MAGI1: variants seen among roughly 807,000 people sequenced by gnomAD.
The protein encoded by MAGI1 is membrane associated guanylate kinase, WW and PDZ domain containing 1.
A neutral mutation model predicts 139.9 loss-of-function variants in MAGI1; 58 were observed. The ratio of observed to expected loss-of-function variants is 0.41; its 90% CI spans 0.34 to 0.52. The LOEUF is 0.52. Among genes scored for constraint, MAGI1 ranks in the 20% least tolerant of loss-of-function variants. The pLI, the probability that MAGI1 is intolerant of heterozygous loss-of-function variation, is 0.12. For synonymous variants in MAGI1, 812 were observed against 737.9 expected, an observed-to-expected ratio of 1.10 and a Z score of -1.63; for missense variants, 1,874 against 1,901.6, an observed-to-expected ratio of 0.99 and a Z score of 0.27.
intron 1 of MAGI1, among the ~76,000 whole-genome samples, chr3:65,673,785 T>C (rs148707944): frequency 2.0e-5 from 3 of 152,372 alleles, no homozygotes; most frequent in Non-Finnish European, 4.4e-5. Flanking sequence ...TAAATTATAT[T>C]ATTGTATGTC....
intron 1 of MAGI1, among the ~76,000 whole-genome samples, chr3:65,966,609 G>A (rs372141886): frequency 1.3e-5 from 2 of 152,054 alleles, no homozygotes; most frequent in South Asian, 2.1e-4. Context: ...GCAGGGGTAG[G>A]GGGGAGCGGG....
intron 1 of MAGI1, among the ~76,000 whole-genome samples, chr3:66,004,193 TTTGTGGCATAAAAC>T (rs2066895273): frequency 6.6e-6 from 1 of 152,184 alleles, no homozygotes; most frequent in African/African-American, 2.4e-5. Context: ...CCACCTCAAC[TTTGTGGCATAAAAC>T]AACCCTTTCA....
chr3:65,852,986 A>T (rs2059256953), intron 1 of MAGI1, among the ~76,000 whole-genome samples: 1 of 137,708 alleles, frequency 7.3e-6, no homozygotes, highest in Non-Finnish European at 1.5e-5. Flanking sequence ...ATACAAAAAA[A>T]AAAAAAAAAA....
chr3:65,449,170 T>C (rs1420151584), intron 6 of MAGI1, among the ~76,000 whole-genome samples: 2 of 151,938 alleles, frequency 1.3e-5, no homozygotes, highest in Middle Eastern at 3.4e-3. Context: ...AAATACCTAA[T>C]GTAAATGACG....
At chr3:65,729,965 G>A (rs2034020899) in intron 1 of MAGI1, among the ~76,000 whole-genome samples, 1 of 152,134 alleles carries the variant, frequency 6.6e-6, no homozygotes, top group African/African-American at 2.4e-5. Flanking sequence ...TTCTTTCTGT[G>A]ACTAAACATT....
chr3:65,543,482 C>T (rs2079346057), intron 2 of MAGI1, among the ~76,000 whole-genome samples: 1 of 152,116 alleles, frequency 6.6e-6, no homozygotes, highest in African/African-American at 2.4e-5. Flanking sequence ...TTCACAATAG[C>T]AAAGACTTGG....
intron 1 of MAGI1, among the ~76,000 whole-genome samples, chr3:65,897,101 A>G (rs1002981044): frequency 6.6e-6 from 1 of 152,206 alleles, no homozygotes; most frequent in Admixed American, 6.5e-5. Context: ...TACAAATGTT[A>G]TGTAAATAGT....
At position 65,995,706 on chromosome 3, in the gene MAGI1, A is replaced by G. The variant is rs73833324; in HGVS notation, c.313+42290T>C. On this transcript the variant is annotated intron_variant, in intron 1 of 22. Coordinates refer to ENST00000402939, the MANE Select transcript of MAGI1 (RefSeq NM_001033057.2). ...CTCCCATAATCTCTTCCAGCTGAGC[A>G]TGCGCTGCTCCACCGGGCCCTTCTA... is the stretch of plus-strand genomic sequence containing the variant. Among the ~76,000 whole-genome samples, 1,275 of 152,318 alleles carry G rather than the reference A, an allele frequency of 8.4e-3. 16 individuals are homozygous for G. The highest frequency in any genetic ancestry group is 0.029 in the African/African-American group (1,199 of 41,568).
intron 13 of MAGI1, among the ~76,000 whole-genome samples, chr3:65,395,884 G>T (rs1303322875): frequency 6.6e-6 from 1 of 152,006 alleles, no homozygotes; most frequent in Non-Finnish European, 1.5e-5. Flanking sequence ...TCGCTACTGG[G>T]TGGTGAATGG....
Position 65,759,287 on chromosome 3 carries a change from T to C in MAGI1, c.314-137199A>G, listed in dbSNP as rs747655577. 4.6e-5 allele frequency among the ~76,000 whole-genome samples: 7 copies of C among 152,284 alleles called. No homozygotes were observed. In the South Asian group the frequency reaches 1.4e-3, roughly 32 times the overall value. ...ATTGTAACCATCTCATCCAATGCCA[T>C]ATATTCATGGATGTCATTTAACCCG... On this transcript the variant is annotated intron_variant, in intron 1 of 22. Transcript: ENST00000402939.
chr3:65,505,821 T>G (rs1421108619), intron 2 of MAGI1, among the ~76,000 whole-genome samples: 1 of 152,026 alleles, frequency 6.6e-6, no homozygotes, highest in Non-Finnish European at 1.5e-5. Context: ...GTATAAATTG[T>G]GTATCAATAA....
chr3:65,934,771 T>G (rs546931650), intron 1 of MAGI1, among the ~76,000 whole-genome samples: 79 of 151,714 alleles, frequency 5.2e-4, no homozygotes, highest in Admixed American at 2.7e-3. Flanking sequence ...AGTTGTTGTT[T>G]TTTTTTTTTT....
chr3:65,894,317 C>T (rs1395582715), intron 1 of MAGI1, among the ~76,000 whole-genome samples: 1 of 152,116 alleles, frequency 6.6e-6, no homozygotes, highest in Non-Finnish European at 1.5e-5. Flanking sequence ...CCAACACAGG[C>T]CCTTGTGACT....
At chr3:65,608,169 G>A (rs1465390177) in intron 2 of MAGI1, among the ~76,000 whole-genome samples, 1 of 152,094 alleles carries the variant, frequency 6.6e-6, no homozygotes, top group African/African-American at 2.4e-5. Flanking sequence ...GGACCGGGTG[G>A]AGTGGCTCAT....
At chr3:65,475,690 T>C (rs751426023) in intron 4 of MAGI1, among the ~76,000 whole-genome samples, 1 of 152,070 alleles carries the variant, frequency 6.6e-6, no homozygotes, top group African/African-American at 2.4e-5. Context: ...GACTGTCCCA[T>C]TGCTTTGTGT....
chr3:65,609,730 G>A, intron 2 of MAGI1: 1 of 294,938 alleles, frequency 3.4e-6, no homozygotes. Flanking sequence ...AACTGCAGGT[G>A]TGCACCACCA....
intron 2 of MAGI1, among the ~76,000 whole-genome samples, chr3:65,579,869 C>A (rs1041098939): frequency 1.3e-5 from 2 of 150,926 alleles, no homozygotes; most frequent in Admixed American, 1.3e-4. Context: ...AAAACTCGCT[C>A]AGTATCATTG....
chr3:65,528,878 C>A (rs546221501), intron 2 of MAGI1, among the ~76,000 whole-genome samples: 1 of 152,036 alleles, frequency 6.6e-6, no homozygotes, highest in Admixed American at 6.6e-5. Flanking sequence ...AGAACTTGTC[C>A]CTACAAAAAA....
At chr3:65,973,775 G>C (rs1038872359) in intron 1 of MAGI1, among the ~76,000 whole-genome samples, 2 of 152,174 alleles carry the variant, frequency 1.3e-5, no homozygotes, top group African/African-American at 4.8e-5. Context: ...GTATGGCATA[G>C]AGAAAGCACT....
Sources: gnomAD v4.1 joint callset for allele counts (sites outside exome capture counted in the v4.1 genomes callset) on GRCh38, gnomAD v4.1.1 for gene constraint, MANE v1.5 for transcripts, NCBI Gene and HGNC (gene_info 2026-07-23, HGNC 2026-07-21) for gene names.